Variants in AMPD3 observed in about 807,000 individuals in gnomAD.
AMPD3 encodes the protein adenosine monophosphate deaminase 3.
A neutral mutation model predicts 82.3 loss-of-function variants in AMPD3; 57 were observed. The ratio of observed to expected loss-of-function variants is 0.69; its 90% CI spans 0.56 to 0.86. AMPD3 has a LOEUF of 0.86. AMPD3 is among the 40% of genes least tolerant of loss of function. The pLI is 0.00. For synonymous variants in AMPD3, 381 were observed against 394.7 expected (o/e 0.97, Z 0.41); for missense variants, 870 against 1,003.8 (o/e 0.87, Z 1.80).
intron 9 of AMPD3, 92 bp downstream of exon 9, chr11:10,495,825 G>T: frequency 6.6e-7 from 1 of 1,510,690 alleles, no homozygotes. Flanking sequence ...TGAGGGGTAG[G>T]GCCTGTTCTG....
intron 2 of AMPD3, among the ~76,000 whole-genome samples, chr11:10,466,487 C>T (rs531365135): frequency 6.7e-4 from 102 of 152,278 alleles, no homozygotes; most frequent in African/African-American, 2.3e-3. Flanking sequence ...GACTGCCTCT[C>T]TAGATTTCTT....
intron 2 of AMPD3, among the ~76,000 whole-genome samples, chr11:10,471,774 G>A (rs11042826): frequency 1.3e-5 from 2 of 152,048 alleles, no homozygotes; most frequent in Admixed American, 6.5e-5. Context: ...TTAGAATGGC[G>A]ATCATTAAAA....
intron 2 of AMPD3, among the ~76,000 whole-genome samples, chr11:10,469,901 G>A (rs1043179903): frequency 2.9e-4 from 44 of 150,338 alleles, no homozygotes; most frequent in African/African-American, 6.4e-4. Flanking sequence ...TTAGCCGGGC[G>A]TAGTGGCGGG....
chr11:10,489,260 C>T (rs903348608), intron 6 of AMPD3, among the ~76,000 whole-genome samples: 10 of 152,162 alleles, frequency 6.6e-5, no homozygotes, highest in African/African-American at 2.4e-4. Context: ...TGCCCAGGCC[C>T]GTGTTCAAAG....
chr11:10,461,376 G>T, intron 1 of AMPD3, 139 bp from the exon 2 acceptor site: 1 of 1,597,022 alleles, frequency 6.3e-7, no homozygotes, highest in South Asian at 1.1e-5. Flanking sequence ...TTGGCATGCT[G>T]GGTTTGGTCT....
intron 10 of AMPD3, chr11:10,499,736 C>T: frequency 1.0e-6 from 1 of 985,446 alleles, no homozygotes; most frequent in Non-Finnish European, 1.2e-6. Flanking sequence ...CTCCTCCCTG[C>T]AGGCTGGCCT....
At chr11:10,479,817 A>T in intron 3 of AMPD3, 1 of 832,270 alleles carries the variant, frequency 1.2e-6, no homozygotes, top group Non-Finnish European at 1.4e-6. Context: ...CCTTTTAAAA[A>T]ATATGTACAT....
At chr11:10,491,588 C>T (rs954864110) in intron 6 of AMPD3, among the ~76,000 whole-genome samples, 1 of 152,214 alleles carries the variant, frequency 6.6e-6, no homozygotes, top group Non-Finnish European at 1.5e-5. Flanking sequence ...CAGGCTTGAA[C>T]TCCCGTGGTG....
chr11:10,451,186 C>T (rs917010464), upstream of AMPD3: 6 of 1,466,008 alleles, frequency 4.1e-6, no homozygotes, highest in African/African-American at 2.9e-5. Flanking sequence ...GACTCCGGTC[C>T]GATCCCTTGC....
At chr11:10,495,116 C>T in intron 8 of AMPD3, 86 bp downstream of exon 8, 1 of 1,611,480 alleles carries the variant, frequency 6.2e-7, no homozygotes, top group Middle Eastern at 1.7e-4. Context: ...GTGCCCCTGG[C>T]CCCTTCCCCT....
chr11:10,482,045 C>G lies in AMPD3; in HGVS notation c.427-18C>G, dbSNP rs1265390618. The G allele has an allele frequency of 6.2e-7, 1 of 1,614,068 alleles. No homozygotes were observed. ...GGCCTGCTGCATGAACCCTTTCCTGCCTGCCTCCCTTCTGCAGATCACTTT... is the reference window on the plus strand; with the variant it reads ...GGCCTGCTGCATGAACCCTTTCCTGGCTGCCTCCCTTCTGCAGATCACTTT... On this transcript the variant is annotated intron_variant, in intron 3 of 14. Transcript: ENST00000396553.
chr11:10,505,319 G>A (rs1203382315), intron 14 of AMPD3: 5 of 985,264 alleles, frequency 5.1e-6, no homozygotes, highest in Non-Finnish European at 6.0e-6. Context: ...TTCTTTTCAT[G>A]CGCAGTGTGG....
In AMPD3 at chr11:10,505,847, C is replaced by G. The variant is rs144691269; in HGVS notation, c.2267C>G (p.Ala756Gly). 1.3e-4 allele frequency: 203 copies of G among 1,614,042 alleles called. No individual in the cohort carries two copies. Among genetic ancestry groups the G allele is most frequent in the Non-Finnish European group, 1.6e-4 (194 of 1,180,032 alleles). Residue 756 changes from alanine to glycine, a missense_variant, in exon 15 of 15, where the codon GCT becomes GGT. Transcript: ENST00000396553. The part of the protein sequence containing the change: ...LCNELSFLSD[A>G]MKSEEITALT... ...AATGAGCTCAGCTTCCTGTCTGATG[C>G]TATGAAATCAGAAGAGATCACCGCC...
chr11:10,471,412 A>G (rs1024796604), intron 2 of AMPD3, among the ~76,000 whole-genome samples: 2 of 152,244 alleles, frequency 1.3e-5, no homozygotes, highest in Non-Finnish European at 2.9e-5. Context: ...TCATGTATAA[A>G]ACATCAAAAG....
At chr11:10,461,322 C>T in intron 1 of AMPD3, 193 bp from the exon 2 acceptor site, 1 of 1,576,292 alleles carries the variant, frequency 6.3e-7, no homozygotes, top group Non-Finnish European at 8.6e-7. Flanking sequence ...CCTAAGTGGC[C>T]CTACATGCTT....
At chr11:10,494,641 C>T (rs560642146) in intron 7 of AMPD3, 1 of 985,394 alleles carries the variant, frequency 1.0e-6, no homozygotes, top group South Asian at 4.7e-5. Flanking sequence ...TCAGCCATGT[C>T]CTGAGCCGAG....
intron 5 of AMPD3, chr11:10,486,474 C>A (rs918537187): frequency 6.0e-6 from 5 of 836,048 alleles, no homozygotes; most frequent in South Asian, 5.5e-5. Context: ...GCAGTGAGCA[C>A]CCCCATCCCC....
intron 2 of AMPD3, among the ~76,000 whole-genome samples, chr11:10,466,386 T>G (rs1026654198): frequency 6.6e-6 from 1 of 151,584 alleles, no homozygotes; most frequent in Admixed American, 6.6e-5. Context: ...GAGGCTTGAG[T>G]AGGAGGTTTT....
In AMPD3 at chr11:10,462,903, C is replaced by T. The variant is rs146509287; in HGVS notation, c.221+1163C>T. ...GGCCCCCCAGTTTCTTCCAGAAGGCCCATGTGGTTAGAGGTCTGTTAAAGG... is the reference window on the plus strand; with the variant it reads ...GGCCCCCCAGTTTCTTCCAGAAGGCTCATGTGGTTAGAGGTCTGTTAAAGG... On this transcript the variant is annotated intron_variant, in intron 2 of 14. Transcript: ENST00000396553. Among the ~76,000 whole-genome samples the T allele has an allele frequency of 5.9e-5, 9 of 152,180 alleles. No homozygotes were observed. The East Asian group carries it at 1.7e-3, about 29-fold the overall frequency.
Sources: gnomAD v4.1 joint callset for allele counts (sites outside exome capture counted in the v4.1 genomes callset) on GRCh38, gnomAD v4.1.1 for gene constraint, MANE v1.5 for transcripts, NCBI Gene and HGNC (gene_info 2026-07-23, HGNC 2026-07-21) for gene names.